Variants in LRRC69 observed in about 807,000 individuals in gnomAD.
LRRC69 encodes leucine-rich repeat-containing protein 69.
In LRRC69, 42 loss-of-function variants were observed where a neutral mutation model predicts 37.8. That is an observed-to-expected ratio of 1.11 (90% CI 0.87 to 1.44). LRRC69 has a LOEUF of 1.44. Among genes scored for constraint, LRRC69 ranks in the 40% most tolerant of loss-of-function variants. The pLI is 0.00. For synonymous variants in LRRC69, 141 were observed against 143.1 expected (o/e 0.99, Z 0.11); for missense variants, 357 against 401.9 (o/e 0.89, Z 0.96).
At position 91,166,494 on chromosome 8, in the gene LRRC69, A is replaced by G. The variant is rs1025676190; in HGVS notation, c.652-23028A>G. On this transcript the variant is annotated intron_variant, in intron 5 of 7. Coordinates refer to ENST00000448384, the Ensembl canonical transcript of LRRC69. ...AAGAGGGGGTTGTAAAATAAACTGA[A>G]AAAAAAAAAAAAAAAAAAAAAACCT... 8.9e-3 allele frequency among the ~76,000 whole-genome samples: 266 copies of G among 29,814 alleles called. 2 individuals carry two copies. The highest frequency in any genetic ancestry group is 0.019 in the African/African-American group (257 of 13,776). The allele number at this position is 29,814 out of a possible 152,430, so 19.6% of individuals were successfully genotyped here.
At chr8:91,206,633 C>T in intron 7 of LRRC69, 2 of 1,262,762 alleles carry the variant, frequency 1.6e-6, no homozygotes, top group South Asian at 2.5e-5. Context: ...TGTGCTCTGA[C>T]AGATTCCCTC....
chr8:91,182,428 A>T (rs191205760), intron 5 of LRRC69, among the ~76,000 whole-genome samples: 38 of 152,304 alleles, frequency 2.5e-4, no homozygotes, highest in Non-Finnish European at 5.0e-4. Context: ...AAAATAGAAA[A>T]TAAATGATAC....
intron 5 of LRRC69, chr8:91,158,552 C>A (rs141028514): frequency 8.5e-7 from 1 of 1,182,910 alleles, no homozygotes; most frequent in Non-Finnish European, 1.3e-6. Flanking sequence ...TACATTTTCA[C>A]GGCCATAGCT....
chr8:91,169,976 A>G (rs1809098842), intron 5 of LRRC69, among the ~76,000 whole-genome samples: 2 of 101,248 alleles, frequency 2.0e-5, no homozygotes, highest in East Asian at 2.5e-4. Context: ...TAATGCCACA[A>G]TAAACATACG....
At chr8:91,197,607 C>T (rs1287238959) in intron 6 of LRRC69, among the ~76,000 whole-genome samples, 1 of 152,150 alleles carries the variant, frequency 6.6e-6, no homozygotes, top group Non-Finnish European at 1.5e-5. Context: ...CCCGATTTTC[C>T]AGATGCCGTC....
chr8:91,168,903 G>C (rs1809075928), intron 5 of LRRC69, among the ~76,000 whole-genome samples: 1 of 151,744 alleles, frequency 6.6e-6, no homozygotes, highest in Non-Finnish European at 1.5e-5. Context: ...ATACTTTTGA[G>C]CCCTTATTCT....
At chr8:91,218,211 C>G (rs1810090081) in intron 7 of LRRC69, among the ~76,000 whole-genome samples, 1 of 152,106 alleles carries the variant, frequency 6.6e-6, no homozygotes, top group Non-Finnish European at 1.5e-5. Flanking sequence ...TTTGGATTCT[C>G]TCACTGAGAG....
chr8:91,128,884 G>A (rs1279504036), intron 3 of LRRC69, among the ~76,000 whole-genome samples: 3 of 151,980 alleles, frequency 2.0e-5, no homozygotes, highest in African/African-American at 4.8e-5. Context: ...CATGAAGTAA[G>A]CAGCAGCCTC....
chr8:91,211,611 TATA>T (rs1339481527), intron 7 of LRRC69, among the ~76,000 whole-genome samples: 33 of 138,994 alleles, frequency 2.4e-4, no homozygotes, highest in African/African-American at 8.7e-4. Context: ...TATATATATA[TATA>T]TATTTTTTTT....
chr8:91,138,551 A>AT (rs34842999), intron 5 of LRRC69, among the ~76,000 whole-genome samples: 5,132 of 145,920 alleles, frequency 0.035, 255 homozygotes, highest in African/African-American at 0.11. Context: ...TCAGAGCAGT[A>AT]TTTTTTTTTT....
chr8:91,146,948 T>TC (rs1429998795), intron 5 of LRRC69, among the ~76,000 whole-genome samples: 4 of 151,362 alleles, frequency 2.6e-5, no homozygotes, highest in African/African-American at 7.3e-5. Context: ...CATAGGACAG[T>TC]CCCCCCATAA....
At position 91,163,325 on chromosome 8, in the gene LRRC69, C is replaced by A. The variant is rs114989054; in HGVS notation, c.652-26197C>A. ...ATGCAAATTTCCATGAAAACAGCAT[C>A]TTTGCCTGTTTATTCATTGCTGTAT... On this transcript the variant is annotated intron_variant, in intron 5 of 7. Transcript: ENST00000448384. Among the ~76,000 whole-genome samples, 639 of 151,618 alleles carry A rather than the reference C, an allele frequency of 4.2e-3. 8 individuals are homozygous for A. Among genetic ancestry groups the A allele is most frequent in the African/African-American group, 0.015 (621 of 41,490 alleles).
At chr8:91,127,571 T>C (rs1048330692) in intron 3 of LRRC69, among the ~76,000 whole-genome samples, 1 of 146,964 alleles carries the variant, frequency 6.8e-6, no homozygotes, top group Non-Finnish European at 1.5e-5. Flanking sequence ...ATTTTCGTTT[T>C]TAAAAACCCC....
Position 91,136,770 on chromosome 8 carries a change from A to G in LRRC69, c.651+1031A>G, listed in dbSNP as rs926388877. Among the ~76,000 whole-genome samples, 7 of 151,846 alleles carry G rather than the reference A, an allele frequency of 4.6e-5. No homozygotes were observed. In the South Asian group the frequency reaches 1.4e-3, roughly 31 times the overall value. ...CTACTATATATCTCTGAATTTGACT[A>G]CTCTAGGTACTCTAGGTACCAGATA... On this transcript the variant is annotated intron_variant, in intron 5 of 7. Coordinates refer to ENST00000448384, the Ensembl canonical transcript of LRRC69.
chr8:91,148,298 G>A (rs957198134), intron 5 of LRRC69, among the ~76,000 whole-genome samples: 4 of 150,620 alleles, frequency 2.7e-5, no homozygotes, highest in African/African-American at 9.7e-5. Context: ...TGTTCTCATT[G>A]TTCAATTCCC....
chr8:91,181,892 G>C (rs1255411755), intron 5 of LRRC69, among the ~76,000 whole-genome samples: 1 of 152,106 alleles, frequency 6.6e-6, no homozygotes, highest in Non-Finnish European at 1.5e-5. Context: ...GATAGTCAGT[G>C]GAGGCCCAAA....
intron 1 of LRRC69, among the ~76,000 whole-genome samples, chr8:91,119,537 C>A (rs1341409861): frequency 2.0e-5 from 3 of 151,986 alleles, no homozygotes; most frequent in African/African-American, 7.2e-5. Context: ...TTCTTCCAGT[C>A]AAAGGACCAT....
Position 91,157,842 on chromosome 8 carries a change from A to G in LRRC69, c.651+22103A>G, listed in dbSNP as rs1302612566. 12 of 1,605,800 alleles carry G rather than the reference A, an allele frequency of 7.5e-6. 1 individual carries two copies. The Middle Eastern group carries it at 1.5e-3, about 195-fold the overall frequency. Reference sequence around the variant, plus strand: ...AGGGAGTGGGAAAAGGAGCTGCATCATTTACAAGAGCAGAATGTTTCAAAT... The same window carrying G: ...AGGGAGTGGGAAAAGGAGCTGCATCGTTTACAAGAGCAGAATGTTTCAAAT... On this transcript the variant is annotated intron_variant, in intron 5 of 7. Coordinates refer to ENST00000448384, the Ensembl canonical transcript of LRRC69.
At chr8:91,138,647 C>T (rs1246106860) in intron 5 of LRRC69, 1 of 150,966 alleles carries the variant, frequency 6.6e-6, no homozygotes, top group African/African-American at 2.4e-5. Context: ...TGTAAATTTA[C>T]AGTAAAAAAT....
Sources: allele counts gnomAD v4.1 joint callset (sites outside exome capture counted in the v4.1 genomes callset), GRCh38; gene constraint gnomAD v4.1.1; transcripts MANE v1.5; gene names NCBI Gene and HGNC (gene_info 2026-07-23, HGNC 2026-07-21).